The following HERPUD2 variants were observed in gnomAD, a reference collection of about 807,000 sequenced individuals.
The protein encoded by HERPUD2 is homocysteine-responsive endoplasmic reticulum-resident ubiquitin-like domain member 2 protein.
HERPUD2 carries 13 observed loss-of-function variants against 49.9 expected under a neutral mutation model. The observed-to-expected ratio is 0.26, with a 90% CI of 0.17 to 0.41. The LOEUF is 0.41. Among genes scored for constraint, HERPUD2 ranks in the 10% least tolerant of loss-of-function variants. HERPUD2 has a pLI of 1.00. For synonymous variants in HERPUD2, 172 were observed against 171.4 expected, an observed-to-expected ratio of 1.00 and a Z score of -0.03; for missense variants, 449 against 492.2, an observed-to-expected ratio of 0.91 and a Z score of 0.83.
At chr7:35,654,729 G>A (rs528008442) in intron 5 of HERPUD2, among the ~76,000 whole-genome samples, 19 of 149,736 alleles carry the variant, frequency 1.3e-4, no homozygotes, top group South Asian at 6.3e-4. Context: ...AGGCTGGAGT[G>A]CAGTGGCGCA....
intron 4 of HERPUD2, among the ~76,000 whole-genome samples, chr7:35,667,800 A>AT (rs1214786098): frequency 6.6e-6 from 1 of 152,158 alleles, no homozygotes; most frequent in Non-Finnish European, 1.5e-5. Context: ...AAAATATTCC[A>AT]TTTTTTCAAC....
At chr7:35,674,674 A>G (rs1048747379) in intron 2 of HERPUD2, among the ~76,000 whole-genome samples, 2 of 135,826 alleles carry the variant, frequency 1.5e-5, no homozygotes, top group African/African-American at 5.4e-5. Context: ...CCCCACCCCC[A>G]ACCTCCAGAG....
chr7:35,684,949 CAG>C (rs1469644630), intron 2 of HERPUD2, among the ~76,000 whole-genome samples: 2 of 151,914 alleles, frequency 1.3e-5, no homozygotes, highest in African/African-American at 4.8e-5. Context: ...TAATTGAAAA[CAG>C]AAAAACTGGC....
intron 5 of HERPUD2, among the ~76,000 whole-genome samples, chr7:35,641,410 G>T (rs191514895): frequency 3.3e-5 from 5 of 152,244 alleles, no homozygotes; most frequent in Admixed American, 3.3e-4. Flanking sequence ...AAGGCAATTT[G>T]TAGATTCAAT....
intron 5 of HERPUD2, among the ~76,000 whole-genome samples, chr7:35,648,487 T>C (rs1483841732): frequency 6.6e-6 from 1 of 152,190 alleles, no homozygotes; most frequent in Non-Finnish European, 1.5e-5. Context: ...ATCTAGGGCT[T>C]TATTTCCCTC....
chr7:35,682,035 T>A (rs1331255990), intron 2 of HERPUD2, among the ~76,000 whole-genome samples: 2 of 152,030 alleles, frequency 1.3e-5, no homozygotes, highest in Non-Finnish European at 2.9e-5. Context: ...CAATTGAATA[T>A]CCAAATGCCT....
intron 4 of HERPUD2, among the ~76,000 whole-genome samples, chr7:35,668,093 A>G (rs1785574563): frequency 6.6e-6 from 1 of 152,130 alleles, no homozygotes; most frequent in Admixed American, 6.5e-5. Context: ...AAATCAAAAG[A>G]TCTAAAATCT....
chr7:35,670,619 A>T (rs1785623750), intron 3 of HERPUD2, among the ~76,000 whole-genome samples: 1 of 152,126 alleles, frequency 6.6e-6, no homozygotes, highest in Non-Finnish European at 1.5e-5. Flanking sequence ...GAAAGTTGTA[A>T]CAGCACAATC....
intron 5 of HERPUD2, among the ~76,000 whole-genome samples, chr7:35,661,906 A>G (rs1468755733): frequency 6.6e-6 from 1 of 152,188 alleles, no homozygotes; most frequent in East Asian, 1.9e-4. Flanking sequence ...AACTTCCAAC[A>G]CTACGTTGAA....
intron 2 of HERPUD2, among the ~76,000 whole-genome samples, chr7:35,684,545 T>C (rs1785990006): frequency 6.6e-6 from 1 of 151,994 alleles, no homozygotes; most frequent in African/African-American, 2.4e-5. Flanking sequence ...TATACATATG[T>C]GACGGACTAC....
chr7:35,651,104 C>T (rs796469780), intron 5 of HERPUD2, among the ~76,000 whole-genome samples: 4 of 152,346 alleles, frequency 2.6e-5, no homozygotes, highest in African/African-American at 9.6e-5. Flanking sequence ...CAACCCATTG[C>T]AGTCATCACC....
At chr7:35,645,962 G>A (rs1375144026) in intron 5 of HERPUD2, among the ~76,000 whole-genome samples, 5 of 152,096 alleles carry the variant, frequency 3.3e-5, no homozygotes, top group Admixed American at 2.0e-4. Flanking sequence ...TTACCTCTTA[G>A]AAAATAATTT....
intron 2 of HERPUD2, among the ~76,000 whole-genome samples, chr7:35,684,177 G>C (rs1463740928): frequency 6.6e-6 from 1 of 152,016 alleles, no homozygotes; most frequent in Non-Finnish European, 1.5e-5. Context: ...ATGAGGTCAG[G>C]AGATCAACAC....
At chr7:35,644,502 T>A (rs573368797) in intron 5 of HERPUD2, among the ~76,000 whole-genome samples, 7 of 152,316 alleles carry the variant, frequency 4.6e-5, no homozygotes, top group African/African-American at 1.4e-4. Flanking sequence ...GGGCAGTGGC[T>A]CATGCCTGTA....
chr7:35,642,788 G>C (rs1315095524), intron 5 of HERPUD2, among the ~76,000 whole-genome samples: 1 of 152,122 alleles, frequency 6.6e-6, no homozygotes, highest in Non-Finnish European at 1.5e-5. Context: ...GAGAATAACA[G>C]ACACTTCAGC....
Position 35,690,159 on chromosome 7 carries a change from C to A in HERPUD2, c.147+4025G>T, listed in dbSNP as rs548999620. ...TTTAGAATTATTTCACAGTGCAGCCCAATTTCAGGATCTGAAAAACTAGTC... is the reference window on the plus strand; with the variant it reads ...TTTAGAATTATTTCACAGTGCAGCCAAATTTCAGGATCTGAAAAACTAGTC... On this transcript the variant is annotated intron_variant, in intron 2 of 8. Coordinates refer to ENST00000311350, the MANE Select transcript of HERPUD2 (RefSeq NM_022373.5). Among the ~76,000 whole-genome samples the A allele has an allele frequency of 2.0e-5, 3 of 152,286 alleles. No individual in the cohort carries two copies. In the South Asian group the frequency reaches 6.2e-4, roughly 32 times the overall value.
intron 5 of HERPUD2, among the ~76,000 whole-genome samples, chr7:35,661,011 G>C (rs1785406871): frequency 6.6e-6 from 1 of 152,084 alleles, no homozygotes; most frequent in Non-Finnish European, 1.5e-5. Flanking sequence ...TATGGTTTTA[G>C]GTCTAACATT....
At chr7:35,690,304 G>A (rs1243486526) in intron 2 of HERPUD2, among the ~76,000 whole-genome samples, 3 of 152,156 alleles carry the variant, frequency 2.0e-5, no homozygotes, top group Admixed American at 2.0e-4. Context: ...ATCATTCAAA[G>A]TTAACTCCAA....
intron 7 of HERPUD2, 57 bp downstream of exon 7, chr7:35,635,078 T>C (rs1784847775): frequency 2.3e-6 from 3 of 1,298,280 alleles, no homozygotes; most frequent in South Asian, 2.5e-5. Flanking sequence ...CTACACCAGA[T>C]TCTGTGCTGA....
Sources: gnomAD v4.1 joint callset for allele counts (sites outside exome capture counted in the v4.1 genomes callset) on GRCh38, gnomAD v4.1.1 for gene constraint, MANE v1.5 for transcripts, NCBI Gene and HGNC (gene_info 2026-07-23, HGNC 2026-07-21) for gene names.